Variants in TAF3 observed in about 807,000 individuals in gnomAD.
TAF3 encodes the protein transcription initiation factor TFIID subunit 3.
In TAF3, 7 loss-of-function variants were observed where a neutral mutation model predicts 80.6. The observed-to-expected ratio is 0.09, with a 90% CI of 0.05 to 0.16. The LOEUF (loss-of-function observed/expected upper bound fraction) is 0.16, where lower values mean the gene tolerates loss of function less well. Among genes scored for constraint, TAF3 ranks in the 10% least tolerant of loss-of-function variants. TAF3 has a pLI of 1.00. For synonymous variants in TAF3, 444 were observed against 446.1 expected, an observed-to-expected ratio of 1.00 and a Z score of 0.06; for missense variants, 921 against 1,140.2, an observed-to-expected ratio of 0.81 and a Z score of 2.77.
rs540955601 is a variant in TAF3, at chr10:7,905,971, T to C, written c.410-57949T>C. Among the ~76,000 whole-genome samples the C allele has an allele frequency of 1.8e-4, 27 of 152,362 alleles. No individual in the cohort carries two copies. In the East Asian group the frequency reaches 4.8e-3, roughly 27 times the overall value. On this transcript the variant is annotated intron_variant, in intron 2 of 6. Transcript: ENST00000344293. ...ATGCACCAATTTTGGTAGAAAGTTA[T>C]ATTCAAAAGTTTGTTGGCAACTGCT...
intron 2 of TAF3, among the ~76,000 whole-genome samples, chr10:7,939,620 A>ACC (rs1554783571): frequency 7.1e-6 from 1 of 141,814 alleles, no homozygotes; most frequent in Non-Finnish European, 1.6e-5. Flanking sequence ...ACACACACAC[A>ACC]CCTCTACCTA....
Position 7,871,435 on chromosome 10 carries a change from C to CTTTTTTTTTTTTTTTTTTTTTTTTTTT in TAF3, c.409+46900_409+46901insTTTTTTTTTTTTTTTTTTTTTTTTTTT, listed in dbSNP as rs527356726. On this transcript the variant is annotated intron_variant, in intron 2 of 6. Coordinates refer to ENST00000344293, the MANE Select transcript of TAF3 (RefSeq NM_031923.4). ...CTAAATTGATGACAAATAACTGCTG[C>CTTTTTTTTTTTTTTTTTTTTTTTTTTT]TTTTTTTTTTTTTTTTTTTTTTTTT... Among the ~76,000 whole-genome samples the CTTTTTTTTTTTTTTTTTTTTTTTTTTT allele has an allele frequency of 2.9e-3, 200 of 69,094 alleles. 22 individuals carry two copies. The highest frequency in any genetic ancestry group is 0.013 in the Middle Eastern group (1 of 78). The allele number at this position is 69,094 out of a possible 152,430, so 45.3% of individuals were successfully genotyped here.
intron 4 of TAF3, among the ~76,000 whole-genome samples, chr10:7,994,579 G>C (rs1234083541): frequency 6.6e-6 from 1 of 152,058 alleles, no homozygotes; most frequent in Non-Finnish European, 1.5e-5. Context: ...AAACTCCTGG[G>C]CTCAAGCGAT....
rs757780971 is a variant in TAF3, at chr10:8,009,231, G to T, written c.2469G>T (p.Ala823=). 3.4e-6 allele frequency: 5 copies of T among 1,478,022 alleles called. No individual in the cohort carries two copies. In the Admixed American group the frequency reaches 9.6e-5, roughly 28 times the overall value. 91.6% of individuals were successfully genotyped at this position (1,478,022 alleles called of 1,614,324 possible). ...VPLPLLAQAA[A]GPALLPSPGP... ...TGCCGCTGCTCGCCCAGGCCGCCGC[G>T]GGCCCTGCCCTGCTGCCCTCCCCGG... is the stretch of plus-strand genomic sequence containing the variant. The change falls in exon 5 of 7, where the codon GCG becomes GCT. Residue 823 remains alanine, a synonymous_variant. Coordinates refer to ENST00000344293, the MANE Select transcript of TAF3 (RefSeq NM_031923.4). This position sits in a 1 kb window ranked among gnomAD's most constrained non-coding sequence, Gnocchi z 4.1.
intron 4 of TAF3, among the ~76,000 whole-genome samples, chr10:7,992,266 A>G (rs976225614): frequency 5.3e-5 from 8 of 152,216 alleles, no homozygotes; most frequent in African/African-American, 1.9e-4. Flanking sequence ...GGAACCCTCA[A>G]AGTACCCCAG....
intron 2 of TAF3, among the ~76,000 whole-genome samples, chr10:7,903,065 A>G (rs1837574330): frequency 6.6e-6 from 1 of 152,142 alleles, no homozygotes; most frequent in Non-Finnish European, 1.5e-5. Flanking sequence ...TTAAAAGAAA[A>G]GAAAAAGTTA....
chr10:7,852,199 C>T (rs757251208), intron 2 of TAF3, among the ~76,000 whole-genome samples: 16 of 152,170 alleles, frequency 1.1e-4, no homozygotes, highest in Non-Finnish European at 2.1e-4. Flanking sequence ...ATCCTCTTGC[C>T]TCAGCATTCA....
At chr10:7,893,916 C>T (rs572339128) in intron 2 of TAF3, among the ~76,000 whole-genome samples, 48 of 152,176 alleles carry the variant, frequency 3.2e-4, no homozygotes, top group Non-Finnish European at 5.9e-4. Flanking sequence ...CCTTAAGAAA[C>T]ACAGAAAGAG....
rs140958606 is a variant in TAF3 at position 7,963,365 on chromosome 10, G to A, written c.410-555G>A. ...TAATTAATTCAGGAAACAACAGAAG[G>A]CCAACTGGAAATACCGAGCAATTTC... On this transcript the variant is annotated intron_variant, in intron 2 of 6. Transcript: ENST00000344293. Among the ~76,000 whole-genome samples, 905 of 152,244 alleles carry A rather than the reference G, an allele frequency of 5.9e-3. 8 individuals are homozygous for A. Among genetic ancestry groups the A allele is most frequent in the African/African-American group, 0.021 (879 of 41,542 alleles).
At chr10:7,867,903 G>A (rs957399222) in intron 2 of TAF3, among the ~76,000 whole-genome samples, 1 of 152,088 alleles carries the variant, frequency 6.6e-6, no homozygotes, top group East Asian at 1.9e-4. Flanking sequence ...CACGTATTTC[G>A]TATATTATAT....
chr10:7,851,552 C>T (rs1448562034), intron 2 of TAF3, among the ~76,000 whole-genome samples: 13 of 151,924 alleles, frequency 8.6e-5, no homozygotes. Context: ...TAAAAGTAAA[C>T]AGACTACAAC....
At position 7,885,249 on chromosome 10, in the gene TAF3, G is replaced by GACAC. The variant is rs71385678; in HGVS notation, c.409+60710_409+60713dup. On this transcript the variant is annotated intron_variant, in intron 2 of 6. Coordinates refer to ENST00000344293, the MANE Select transcript of TAF3 (RefSeq NM_031923.4). ...GCAAATTTTATGTTATATAAATTTT[G>GACAC]ACACACACACACACACACACACACC... 8.1e-3 allele frequency among the ~76,000 whole-genome samples: 1,201 copies of GACAC among 148,686 alleles called. 11 individuals carry two copies. The highest frequency in any genetic ancestry group is 0.016 in the African/African-American group (652 of 40,304).
intron 2 of TAF3, among the ~76,000 whole-genome samples, chr10:7,927,758 AC>A (rs1264516227): frequency 1.3e-5 from 2 of 152,170 alleles, no homozygotes; most frequent in African/African-American, 4.8e-5. Flanking sequence ...AATAGGTACC[AC>A]CCGACCAGAT....
intron 2 of TAF3, among the ~76,000 whole-genome samples, chr10:7,895,762 A>G (rs949767385): frequency 5.3e-5 from 8 of 152,160 alleles, no homozygotes; most frequent in Admixed American, 4.6e-4. Context: ...TTTCTCATCT[A>G]CAAAATGAGG....
In TAF3 at chr10:8,009,663, C is replaced by T. The variant is rs1371883013; in HGVS notation, c.2568+333C>T. Among the ~76,000 whole-genome samples the T allele has an allele frequency of 6.6e-6, 1 of 151,730 alleles. No homozygotes were observed. The highest frequency in any genetic ancestry group is 1.5e-5 in the Non-Finnish European group (1 of 67,958). On this transcript the variant is annotated intron_variant, in intron 5 of 6. Coordinates refer to ENST00000344293, the MANE Select transcript of TAF3 (RefSeq NM_031923.4). The surrounding 1 kb of genome is among the most constrained non-coding windows in gnomAD (Gnocchi z 4.1). ...TGAGACAGAGTTTCGCTCTTATTGC[C>T]CAACCTGGAATGCGGTGGTGAGATC...
intron 2 of TAF3, among the ~76,000 whole-genome samples, chr10:7,861,695 A>G (rs980182161): frequency 6.6e-6 from 1 of 151,702 alleles, no homozygotes; most frequent in East Asian, 1.9e-4. Flanking sequence ...CATGGATCTC[A>G]TGTGCTGTTT....
At chr10:7,949,225 A>G (rs893335146) in intron 2 of TAF3, among the ~76,000 whole-genome samples, 4 of 152,258 alleles carry the variant, frequency 2.6e-5, no homozygotes, top group African/African-American at 9.6e-5. Flanking sequence ...ATCAGAGTCC[A>G]CTTGCCCTTT....
At chr10:7,867,259 A>T (rs900646111) in intron 2 of TAF3, among the ~76,000 whole-genome samples, 1 of 152,150 alleles carries the variant, frequency 6.6e-6, no homozygotes, top group African/African-American at 2.4e-5. Context: ...ACTGTCACAC[A>T]CACACACACA....
intron 2 of TAF3, among the ~76,000 whole-genome samples, chr10:7,937,024 T>C (rs1418567521): frequency 6.6e-6 from 1 of 152,232 alleles, no homozygotes; most frequent in African/African-American, 2.4e-5. Context: ...TATACTTCAT[T>C]TCTTTTTAGT....
Sources: allele counts gnomAD v4.1 joint callset (sites outside exome capture counted in the v4.1 genomes callset), GRCh38; gene constraint gnomAD v4.1.1; non-coding constraint Gnocchi (gnomAD v3.1); transcripts MANE v1.5; gene names NCBI Gene and HGNC (gene_info 2026-07-23, HGNC 2026-07-21).